CDIP1: variants seen among roughly 807,000 people sequenced by gnomAD.
CDIP1 encodes cell death-inducing p53-target protein 1.
CDIP1 carries 9 observed loss-of-function variants against 17.7 expected under a neutral mutation model. The observed-to-expected ratio is 0.51, with a 90% confidence interval of 0.31 to 0.89. The LOEUF is 0.89. Among genes scored for constraint, CDIP1 ranks in the 40% least tolerant of loss-of-function variants. The pLI, the probability that CDIP1 is intolerant of heterozygous loss-of-function variation, is 0.05. For synonymous variants in CDIP1, 117 were observed against 109.5 expected (o/e 1.07, Z -0.43); for missense variants, 263 against 277.9 (o/e 0.95, Z 0.38).
chr16:4,519,671 G>A (rs1258795578), intron 1 of CDIP1, among the ~76,000 whole-genome samples: 1 of 152,136 alleles, frequency 6.6e-6, no homozygotes, highest in Non-Finnish European at 1.5e-5. Context: ...CATGGGAGGT[G>A]GATTCCTCAT....
intron 1 of CDIP1, among the ~76,000 whole-genome samples, chr16:4,519,860 C>T (rs2058926981): frequency 6.6e-6 from 1 of 152,078 alleles, no homozygotes. Context: ...TGAATGGAAG[C>T]AGCCTGAGGC....
intron 1 of CDIP1, among the ~76,000 whole-genome samples, chr16:4,523,185 A>G: frequency 6.6e-6 from 1 of 152,178 alleles, no homozygotes; most frequent in East Asian, 1.9e-4. Flanking sequence ...ATAGTTACTC[A>G]GCACATCCTC....
At position 4,515,912 on chromosome 16, in the gene CDIP1, C is replaced by A. The variant is rs1178631000; in HGVS notation, c.-104-1248G>T. 4.6e-5 allele frequency among the ~76,000 whole-genome samples: 7 copies of A among 152,184 alleles called. No individual in the cohort carries two copies. The East Asian group carries it at 1.3e-3, about 29-fold the overall frequency. ...AACCTAGAGTTACCAGATGACCCAG[C>A]AATTCCACCCCTAGTTATCTGCCCA... is the stretch of plus-strand genomic sequence containing the variant. On this transcript the variant is annotated intron_variant, in intron 1 of 5. Transcript: ENST00000567695.
intron 1 of CDIP1, among the ~76,000 whole-genome samples, chr16:4,520,112 G>A (rs1010275716): frequency 2.0e-5 from 3 of 148,840 alleles, no homozygotes; most frequent in Admixed American, 6.7e-5. Context: ...CTTGACAAGT[G>A]GTAGGTTTTT....
At chr16:4,521,998 G>A (rs2058954948) in intron 1 of CDIP1, among the ~76,000 whole-genome samples, 1 of 152,224 alleles carries the variant, frequency 6.6e-6, no homozygotes, top group South Asian at 2.1e-4. Flanking sequence ...AACAGGTATT[G>A]ACGCCTCTGC....
At chr16:4,533,050 C>T (rs2059071597) in intron 1 of CDIP1, 1 of 152,252 alleles carries the variant, frequency 6.6e-6, no homozygotes, top group African/African-American at 2.4e-5. Flanking sequence ...CCATGGAGGT[C>T]ACTCACCTCA....
intron 1 of CDIP1, among the ~76,000 whole-genome samples, chr16:4,521,625 G>C (rs2058949279): frequency 6.6e-6 from 1 of 151,658 alleles, no homozygotes; most frequent in Admixed American, 6.6e-5. Context: ...CACTCGGGGA[G>C]GCCGAGACGG....
At chr16:4,534,948 C>T (rs1174307336) in intron 1 of CDIP1, among the ~76,000 whole-genome samples, 1 of 152,040 alleles carries the variant, frequency 6.6e-6, no homozygotes, top group East Asian at 1.9e-4. Context: ...AAATTCCCAA[C>T]CTCAGGTGAT....
intron 1 of CDIP1, among the ~76,000 whole-genome samples, chr16:4,535,698 T>C (rs909455086): frequency 6.6e-6 from 1 of 151,908 alleles, no homozygotes. Context: ...ACTCACAGAG[T>C]AGGAGAAGTG....
chr16:4,521,103 TG>T (rs2058942271), intron 1 of CDIP1, among the ~76,000 whole-genome samples: 5 of 152,200 alleles, frequency 3.3e-5, no homozygotes, highest in South Asian at 4.1e-4. Context: ...TGTGTGTGTG[TG>T]TGTGTACTGT....
intron 1 of CDIP1, among the ~76,000 whole-genome samples, chr16:4,526,182 G>A (rs147512195): frequency 8.9e-4 from 136 of 152,216 alleles, no homozygotes; most frequent in African/African-American, 3.2e-3. Flanking sequence ...AGAGGTGGGC[G>A]GATCACGAGG....
At position 4,514,490 on chromosome 16, in the gene CDIP1, C is replaced by CGGGCACTAAGGCAGTCGGAGG. The variant is rs771433591; in HGVS notation, c.-15+64_-15+84dup. 7.0e-4 allele frequency: 178 copies of CGGGCACTAAGGCAGTCGGAGG among 254,654 alleles called. No homozygotes were observed. The highest frequency in any genetic ancestry group is 1.1e-3 in the Non-Finnish European group (153 of 135,056). The allele number at this position is 254,654 out of a possible 1,614,324, so 15.8% of individuals were successfully genotyped here. A position where few individuals can be genotyped will look rare whatever the true frequency, so the allele number is the denominator to read the frequency against. On this transcript the variant is annotated intron_variant, in intron 2 of 5. Coordinates refer to ENST00000567695, the MANE Select transcript of CDIP1 (RefSeq NM_013399.3). The surrounding 1 kb of genome is among the most constrained non-coding windows in gnomAD (Gnocchi z 5.2). ...AGCTCTCCCCTCCCCAAACGTTTAGCGGGCACTAAGGCAGTCGGAGGAGAC... is the reference window on the plus strand; with the variant it reads ...AGCTCTCCCCTCCCCAAACGTTTAGCGGGCACTAAGGCAGTCGGAGGGGGCACTAAGGCAGTCGGAGGAGAC...
chr16:4,513,244 G>A lies in CDIP1; in HGVS notation c.242-180C>T, dbSNP rs1201904423. On this transcript the variant is annotated intron_variant, in intron 4 of 5. Transcript: ENST00000567695. The surrounding 1 kb of genome is among the most constrained non-coding windows in gnomAD (Gnocchi z 4.1). ...TTACAGCTGGGGCCCTAAGTCAAGT[G>A]GGGCCACATTCTCCCAGCCCTTCCT... 6.6e-6 allele frequency among the ~76,000 whole-genome samples: 1 copy of A among 152,182 alleles called. No individual in the cohort carries two copies. Among genetic ancestry groups the A allele is most frequent in the Non-Finnish European group, 1.5e-5 (1 of 68,018 alleles).
chr16:4,521,905 T>C (rs1216049198), intron 1 of CDIP1, among the ~76,000 whole-genome samples: 1 of 152,122 alleles, frequency 6.6e-6, no homozygotes, highest in African/African-American at 2.4e-5. Context: ...GCAGAAACGC[T>C]GGGCCTAGCA....
At position 4,514,446 on chromosome 16, in the gene CDIP1, C is replaced by A; in HGVS notation, c.-15+129G>T. The A allele has an allele frequency of 1.7e-5, 6 of 353,760 alleles. No homozygotes were observed. The highest frequency in any genetic ancestry group is 3.0e-5 in the Non-Finnish European group (6 of 197,486). 21.9% of individuals were successfully genotyped at this position (353,760 alleles called of 1,614,324 possible). A position where few individuals can be genotyped will look rare whatever the true frequency, so the allele number is the denominator to read the frequency against. On this transcript the variant is annotated intron_variant, in intron 2 of 5. Coordinates refer to ENST00000567695, the MANE Select transcript of CDIP1 (RefSeq NM_013399.3). This position sits in a 1 kb window ranked among gnomAD's most constrained non-coding sequence, Gnocchi z 5.2. ...AGCCTAACTCAGCACTTGCCCCACA[C>A]GAGAGCAGTTTGGCACCGAGCTCTC...
Position 4,511,554 on chromosome 16 carries a change from C to T in CDIP1, c.*1018G>A, listed in dbSNP as rs2058829427. The T allele has an allele frequency of 6.6e-6, 1 of 152,362 alleles. No individual in the cohort carries two copies. Among genetic ancestry groups the T allele is most frequent in the African/African-American group, 2.4e-5 (1 of 41,448 alleles). The allele number at this position is 152,362 out of a possible 1,614,324, so 9.4% of individuals were successfully genotyped here. A position where few individuals can be genotyped will look rare whatever the true frequency, so the allele number is the denominator to read the frequency against. ...TGGCTGCTCCTTCCTCGTCCCTAGC[C>T]CAGTGTGCCTGCAGGAGCAGGTGTG... On this transcript the variant is annotated 3_prime_UTR_variant, in exon 6 of 6. Transcript: ENST00000567695.
rs1254733445 is a variant in CDIP1, at chr16:4,534,240, C to T, written c.-105+4462G>A. Among the ~76,000 whole-genome samples the T allele has an allele frequency of 2.0e-5, 3 of 152,106 alleles. No individual in the cohort carries two copies. In the South Asian group the frequency reaches 6.2e-4, roughly 32 times the overall value. ...TGCTGGGAATACAGCCATGAGCCAC[C>T]GCACCCAGCCCCTTCTGTGCCATTC... On this transcript the variant is annotated intron_variant, in intron 1 of 5. Transcript: ENST00000567695.
chr16:4,532,397 A>T (rs1367757054), intron 1 of CDIP1: 1 of 152,424 alleles, frequency 6.6e-6, no homozygotes, highest in East Asian at 1.9e-4. Flanking sequence ...CACAGAACAA[A>T]GCGTGGCATG....
intron 1 of CDIP1, among the ~76,000 whole-genome samples, chr16:4,531,415 C>T (rs1163353105): frequency 6.6e-6 from 1 of 152,088 alleles, no homozygotes; most frequent in Non-Finnish European, 1.5e-5. Flanking sequence ...CTGCCTCAGC[C>T]TCCCAAAGTG....
Sources: allele counts gnomAD v4.1 joint callset (sites outside exome capture counted in the v4.1 genomes callset), GRCh38; gene constraint gnomAD v4.1.1; non-coding constraint Gnocchi (gnomAD v3.1); transcripts MANE v1.5; gene names NCBI Gene and HGNC (gene_info 2026-07-23, HGNC 2026-07-21).